SLTM: variants seen among roughly 807,000 people sequenced by gnomAD.
SLTM encodes the protein SAFB like transcription modulator, also known as SAFB-like transcription modulator.
A neutral mutation model predicts 134.6 loss-of-function variants in SLTM; 43 were observed. That is an observed-to-expected ratio of 0.32 (90% CI 0.25 to 0.41). The LOEUF (loss-of-function observed/expected upper bound fraction) is 0.41. Among genes scored for constraint, SLTM ranks in the 10% least tolerant of loss-of-function variants. SLTM has a pLI of 1.00. For synonymous variants in SLTM, 424 were observed against 432.3 expected (o/e 0.98, Z 0.24); for missense variants, 1,055 against 1,288.8 (o/e 0.82, Z 2.78).
At chr15:58,925,123 G>A (rs1373574684) in intron 2 of SLTM, among the ~76,000 whole-genome samples, 1 of 151,160 alleles carries the variant, frequency 6.6e-6, no homozygotes, top group African/African-American at 2.4e-5. Flanking sequence ...TTGCAAGGGA[G>A]GGGAAGATTA....
chr15:58,916,439 G>A (rs578128163), intron 3 of SLTM: 1 of 153,120 alleles, frequency 6.5e-6, no homozygotes, highest in East Asian at 1.9e-4. Context: ...CTCCCAAAGT[G>A]CTGGGATTAC....
Position 58,899,570 on chromosome 15 carries a change from C to T in SLTM, c.957G>A (p.Lys319=). 6.2e-7 allele frequency: 1 copy of T among 1,614,158 alleles called. No homozygotes were observed. Among genetic ancestry groups the T allele is most frequent in the Non-Finnish European group, 8.5e-7 (1 of 1,180,016 alleles). Reference sequence around the variant, plus strand: ...CTTTCTTAGAACTTTCTCTGGCTTCCTTCTCGACAGGGTCACCCTTCACGC... The same window carrying T: ...CTTTCTTAGAACTTTCTCTGGCTTCTTTCTCGACAGGGTCACCCTTCACGC... ...EDCVKGDPVE[K]EARESSKKAE... The change falls in exon 7 of 21, where the codon AAG becomes AAA. Residue 319 remains lysine, a synonymous_variant. Transcript: ENST00000380516. The surrounding 1 kb of genome is among the most constrained non-coding windows in gnomAD (Gnocchi z 5.0).
chr15:58,921,417 T>C (rs549551032), intron 2 of SLTM: 29 of 179,488 alleles, frequency 1.6e-4, no homozygotes, highest in Admixed American at 3.0e-4. Flanking sequence ...AAAATCCACA[T>C]GTATGAAATT....
Position 58,917,009 on chromosome 15 carries a change from A to T in SLTM, c.251-10T>A. ...GCTTCATGTTTTTTACCTGCGAAAG[A>T]AGGAAAATGGGCTAACAACCAATAT... On this transcript the variant is annotated splice_polypyrimidine_tract_variant and intron_variant, in intron 2 of 20. Transcript: ENST00000380516. 6.2e-7 allele frequency: 1 copy of T among 1,613,092 alleles called. No individual in the cohort carries two copies. The highest frequency in any genetic ancestry group is 1.3e-5 in the African/African-American group (1 of 75,030).
chr15:58,928,155 C>A (rs1367436512), intron 2 of SLTM, among the ~76,000 whole-genome samples: 1 of 152,134 alleles, frequency 6.6e-6, no homozygotes, highest in Non-Finnish European at 1.5e-5. Flanking sequence ...ACATATAGTT[C>A]TAAATACTGT....
Position 58,892,926 on chromosome 15 carries a change from T to C in SLTM, c.1869A>G (p.Glu623=). The part of the protein sequence containing the change: ...QRLREHLVRF[E]RLRRAMELRR... ...GAAGTTCCATTGCTCGTCGCAGCCT[T>C]TCAAAACGAACTAAATGTTCTCTCA... The change falls in exon 14 of 21, where the codon GAA becomes GAG. Residue 623 remains glutamate, a synonymous_variant. Coordinates refer to ENST00000380516, the MANE Select transcript of SLTM (RefSeq NM_024755.4). The C allele has an allele frequency of 5.0e-6, 8 of 1,613,538 alleles. No homozygotes were observed. The highest frequency in any genetic ancestry group is 6.8e-6 in the Non-Finnish European group (8 of 1,179,836).
At chr15:58,897,002 A>G in intron 9 of SLTM, 113 bp downstream of exon 9, 1 of 645,964 alleles carries the variant, frequency 1.5e-6, no homozygotes, top group African/African-American at 1.8e-5. Flanking sequence ...GTCTATTAAC[A>G]GTCCTAAGAG....
chr15:58,909,864 T>C (rs1475917517), intron 5 of SLTM, among the ~76,000 whole-genome samples: 1 of 152,218 alleles, frequency 6.6e-6, no homozygotes, highest in Non-Finnish European at 1.5e-5. Flanking sequence ...CTACATGAGA[T>C]GCCTGTTTTT....
At chr15:58,896,982 C>T in intron 9 of SLTM, 133 bp downstream of exon 9, 1 of 582,864 alleles carries the variant, frequency 1.7e-6, no homozygotes, top group East Asian at 2.8e-5. Flanking sequence ...CCACAGAACT[C>T]AATAATTATG....
intron 3 of SLTM, among the ~76,000 whole-genome samples, chr15:58,915,877 A>G (rs1458855080): frequency 6.6e-6 from 1 of 152,192 alleles, no homozygotes; most frequent in Non-Finnish European, 1.5e-5. Flanking sequence ...ATAAATGTAT[A>G]TAATTCAAGA....
intron 16 of SLTM, chr15:58,889,207 T>A (rs1288717307): frequency 2.2e-6 from 1 of 450,358 alleles, no homozygotes; most frequent in African/African-American, 2.0e-5. Context: ...TTTCCAGTCA[T>A]AATGAAAAAC....
chr15:58,916,674 G>T, intron 3 of SLTM: 1 of 283,124 alleles, frequency 3.5e-6, no homozygotes, highest in Non-Finnish European at 6.7e-6. Flanking sequence ...TATTCCCCTG[G>T]CCAGCTTTCT....
chr15:58,921,200 T>G (rs1224706387), intron 2 of SLTM, among the ~76,000 whole-genome samples: 5 of 152,154 alleles, frequency 3.3e-5, no homozygotes, highest in Admixed American at 1.3e-4. Flanking sequence ...ATTTTAAAAT[T>G]TTATCCTCAC....
chr15:58,933,256 G>C (rs1204161684), intron 1 of SLTM, 148 bp downstream of exon 1: 1 of 766,628 alleles, frequency 1.3e-6, no homozygotes, highest in Admixed American at 4.5e-5. Flanking sequence ...CGTCCTCCAC[G>C]CTCGCGGGAG....
rs188799059 is a variant in SLTM at position 58,913,041 on chromosome 15, A to C, written c.514-431T>G. ...TGATATAACCAAAGAAATGTAAATT[A>C]AAGTAACCTTTTATACTTGCTAAGG... On this transcript the variant is annotated intron_variant, in intron 4 of 20. Transcript: ENST00000380516. Among the ~76,000 whole-genome samples the C allele has an allele frequency of 3.5e-4, 53 of 152,364 alleles. 1 individual carries two copies. The East Asian group carries it at 8.7e-3, about 25-fold the overall frequency.
intron 5 of SLTM, among the ~76,000 whole-genome samples, chr15:58,912,160 T>C (rs2036319108): frequency 6.7e-6 from 1 of 149,978 alleles, no homozygotes; most frequent in Non-Finnish European, 1.5e-5. Flanking sequence ...AGTGCAGTGG[T>C]GCAATCTCGG....
At chr15:58,895,464 G>A (rs577877790) in intron 9 of SLTM, among the ~76,000 whole-genome samples, 63 of 152,288 alleles carry the variant, frequency 4.1e-4, no homozygotes, top group African/African-American at 1.4e-3. Context: ...GGATGAGTGA[G>A]AAGAAAAGAG....
intron 1 of SLTM, 66 bp from the exon 2 acceptor site, chr15:58,932,509 GA>G (rs1298381627): frequency 4.1e-5 from 53 of 1,284,894 alleles, no homozygotes; most frequent in Admixed American, 1.5e-4. Flanking sequence ...AAAACGAAAT[GA>G]AAAAAAATTT....
intron 2 of SLTM, among the ~76,000 whole-genome samples, chr15:58,926,443 G>A (rs2037474226): frequency 6.6e-6 from 1 of 152,090 alleles, no homozygotes; most frequent in Non-Finnish European, 1.5e-5. Context: ...TATGAAATGT[G>A]CTTTATGTGG....
Sources: allele counts gnomAD v4.1 joint callset (sites outside exome capture counted in the v4.1 genomes callset), GRCh38; gene constraint gnomAD v4.1.1; non-coding constraint Gnocchi (gnomAD v3.1); transcripts MANE v1.5; gene names NCBI Gene and HGNC (gene_info 2026-07-23, HGNC 2026-07-21).